TLN2: variants seen among roughly 807,000 people sequenced by gnomAD.
TLN2 encodes the protein talin 2.
TLN2 carries 118 observed loss-of-function variants against 294.7 expected under a neutral mutation model. The ratio of observed to expected loss-of-function variants is 0.40; its 90% CI spans 0.34 to 0.47. TLN2 has a LOEUF of 0.47. Ranked by LOEUF, TLN2 falls within the 20% of genes least tolerant of loss-of-function variation. The pLI is 0.84. For synonymous variants in TLN2, 1,431 were observed against 1,304.5 expected, an observed-to-expected ratio of 1.10 and a Z score of -2.09; for missense variants, 3,083 against 3,282.2, an observed-to-expected ratio of 0.94 and a Z score of 1.48.
chr15:62,503,996 C>T (rs913415353), intron 1 of TLN2, among the ~76,000 whole-genome samples: 8 of 152,106 alleles, frequency 5.3e-5, no homozygotes, highest in Non-Finnish European at 7.3e-5. Context: ...TTCATCTGTG[C>T]TTTTTTGAGC....
intron 15 of TLN2, 112 bp downstream of exon 15, chr15:62,697,980 T>A: frequency 7.5e-7 from 1 of 1,337,252 alleles, no homozygotes; most frequent in Non-Finnish European, 1.0e-6. Flanking sequence ...ATTTCCCGGC[T>A]GAACCATGCC....
chr15:62,694,021 T>C (rs1285159784), intron 13 of TLN2, among the ~76,000 whole-genome samples: 2 of 147,914 alleles, frequency 1.4e-5, no homozygotes, highest in East Asian at 3.9e-4. Context: ...CAGGCTGGAG[T>C]GCAGTGGCGC....
chr15:62,706,851 A>G (rs1324693185), intron 19 of TLN2, among the ~76,000 whole-genome samples: 1 of 152,242 alleles, frequency 6.6e-6, no homozygotes, highest in Non-Finnish European at 1.5e-5. Context: ...CCTCAAATTA[A>G]CTATTTTAGA....
chr15:62,837,279 T>C (rs1293401569), intron 57 of TLN2, among the ~76,000 whole-genome samples: 3 of 152,216 alleles, frequency 2.0e-5, no homozygotes, highest in Non-Finnish European at 4.4e-5. Context: ...AGGAGCTGCA[T>C]GTTCGTTTGT....
chr15:62,663,989 A>G (rs561406157), intron 9 of TLN2, among the ~76,000 whole-genome samples: 2 of 152,180 alleles, frequency 1.3e-5, no homozygotes, highest in South Asian at 4.1e-4. Flanking sequence ...AATTGAAGAT[A>G]TATGAAGGAC....
chr15:62,775,207 C>T (rs778978001), intron 42 of TLN2, among the ~76,000 whole-genome samples: 9 of 151,080 alleles, frequency 6.0e-5, no homozygotes, highest in Admixed American at 1.3e-4. Flanking sequence ...CCACCTGCCT[C>T]GGCCTGAATT....
chr15:62,689,288 C>T (rs1286581417), intron 12 of TLN2, among the ~76,000 whole-genome samples: 2 of 151,940 alleles, frequency 1.3e-5, no homozygotes, highest in Non-Finnish European at 2.9e-5. Context: ...TTTTACCTAC[C>T]CACTCCCCAC....
At chr15:62,408,053 G>T (rs545531746) in intron 1 of TLN2, among the ~76,000 whole-genome samples, 1 of 152,322 alleles carries the variant, frequency 6.6e-6, no homozygotes, top group East Asian at 1.9e-4. Context: ...ATAGTTGTGA[G>T]CAAGGTCTGA....
chr15:62,615,017 G>T (rs2048201524), intron 2 of TLN2, among the ~76,000 whole-genome samples: 1 of 151,640 alleles, frequency 6.6e-6, no homozygotes, highest in Admixed American at 6.6e-5. Flanking sequence ...TGTTGGCCAG[G>T]TTGGTCTCGA....
At chr15:62,453,084 A>G (rs1205336592) in intron 1 of TLN2, among the ~76,000 whole-genome samples, 1 of 152,194 alleles carries the variant, frequency 6.6e-6, no homozygotes, top group Non-Finnish European at 1.5e-5. Context: ...GGTTTACCTG[A>G]AATTCAAGTT....
intron 50 of TLN2, among the ~76,000 whole-genome samples, chr15:62,803,127 CT>C (rs1196647107): frequency 6.6e-6 from 1 of 152,100 alleles, no homozygotes; most frequent in Non-Finnish European, 1.5e-5. Flanking sequence ...TCCTTCAGGA[CT>C]TTAAATATGT....
intron 12 of TLN2, among the ~76,000 whole-genome samples, chr15:62,688,361 G>C (rs2057472130): frequency 6.6e-6 from 1 of 152,100 alleles, no homozygotes; most frequent in African/African-American, 2.4e-5. Flanking sequence ...ATTATGGTCA[G>C]AGAACATACT....
intron 1 of TLN2, among the ~76,000 whole-genome samples, chr15:62,396,677 C>A (rs1434501519): frequency 6.6e-6 from 1 of 151,920 alleles, no homozygotes; most frequent in Non-Finnish European, 1.5e-5. Flanking sequence ...GAAGGAAGAC[C>A]AACAGTGCAG....
intron 25 of TLN2, 136 bp from the exon 26 acceptor site, chr15:62,722,217 G>A: frequency 1.0e-6 from 1 of 996,512 alleles, no homozygotes; most frequent in Non-Finnish European, 1.4e-6. Context: ...TTGGGAATAG[G>A]GGATGAGTTG....
intron 9 of TLN2, among the ~76,000 whole-genome samples, chr15:62,663,067 G>T (rs1290893785): frequency 6.6e-6 from 1 of 151,976 alleles, no homozygotes. Flanking sequence ...CTCCTGCCTC[G>T]GCCTCCCAAA....
rs1567297697 is a variant in TLN2 at position 62,664,856 on chromosome 15, T to TAAAAAAAAAAA, written c.788+6958_788+6959insAAAAAAAAAAA. ...CCTGGGCAACAAGAGGGAAACTGTC[T>TAAAAAAAAAAA]CAAAAAAAAAAAAAAAAAAAAAGTG... On this transcript the variant is annotated intron_variant, in intron 9 of 58. Coordinates refer to ENST00000636159, the MANE Select transcript of TLN2 (RefSeq NM_015059.3). Among the ~76,000 whole-genome samples the TAAAAAAAAAAA allele has an allele frequency of 1.5e-3, 2 of 1,314 alleles. 1 individual carries two copies. Among genetic ancestry groups the TAAAAAAAAAAA allele is most frequent in the Non-Finnish European group, 0.01 (2 of 192 alleles). 0.9% of individuals were successfully genotyped at this position (1,314 alleles called of 152,430 possible). A position where few individuals can be genotyped will look rare whatever the true frequency, so the allele number is the denominator to read the frequency against.
chr15:62,751,935 A>G (rs1038414118), intron 34 of TLN2, among the ~76,000 whole-genome samples: 5 of 152,230 alleles, frequency 3.3e-5, no homozygotes, highest in Non-Finnish European at 7.3e-5. Context: ...AAGGGTGAGT[A>G]TCATGCTTTC....
intron 1 of TLN2, among the ~76,000 whole-genome samples, chr15:62,466,342 C>T (rs1408558380): frequency 6.6e-6 from 1 of 152,196 alleles, no homozygotes; most frequent in Non-Finnish European, 1.5e-5. Context: ...ACATTTTAGG[C>T]TTTCTCAGTC....
chr15:62,399,018 T>G (rs976957602), intron 1 of TLN2, among the ~76,000 whole-genome samples: 10 of 152,046 alleles, frequency 6.6e-5, no homozygotes, highest in African/African-American at 2.4e-4. Flanking sequence ...GACTTGGTGC[T>G]CTGCATCCCA....
Sources: allele counts gnomAD v4.1 joint callset (sites outside exome capture counted in the v4.1 genomes callset), GRCh38; gene constraint gnomAD v4.1.1; transcripts MANE v1.5; gene names NCBI Gene and HGNC (gene_info 2026-07-23, HGNC 2026-07-21).